The following SRRM3 variants were observed in gnomAD, a reference collection of about 807,000 sequenced individuals.
The protein encoded by SRRM3 is serine/arginine repetitive matrix protein 3.
In SRRM3, 27 loss-of-function variants were observed where a neutral mutation model predicts 66.2. That is an observed-to-expected ratio of 0.41 (90% CI 0.30 to 0.56). The LOEUF is 0.56. SRRM3 is among the 20% of genes least tolerant of loss of function. The pLI is 0.32. For synonymous variants in SRRM3, 391 were observed against 414.9 expected (o/e 0.94, Z 0.70); for missense variants, 918 against 991.9 (o/e 0.93, Z 1.00).
At chr7:76,262,836 GAAAGA>G (rs782214864) in intron 8 of SRRM3, among the ~76,000 whole-genome samples, 8 of 151,368 alleles carry the variant, frequency 5.3e-5, no homozygotes, top group Non-Finnish European at 1.0e-4. Context: ...AAGAAAGAAA[GAAAGA>G]AAAGAAAAGG....
chr7:76,235,926 A>G (rs773869795), intron 2 of SRRM3, among the ~76,000 whole-genome samples: 3 of 147,828 alleles, frequency 2.0e-5, no homozygotes, highest in Non-Finnish European at 4.4e-5. Flanking sequence ...GAATTTCTTG[A>G]ACCCAGGAGG....
chr7:76,279,175 C>T (rs782676410), intron 11 of SRRM3, among the ~76,000 whole-genome samples: 50 of 152,126 alleles, frequency 3.3e-4, no homozygotes, highest in Middle Eastern at 6.8e-3. Flanking sequence ...AGGAGAATTG[C>T]TTGAACTTGG....
intron 8 of SRRM3, among the ~76,000 whole-genome samples, chr7:76,263,470 G>A (rs1175041607): frequency 6.6e-6 from 1 of 152,212 alleles, no homozygotes; most frequent in Non-Finnish European, 1.5e-5. Context: ...TGCTGGGTTG[G>A]GGGGCTTGCC....
intron 9 of SRRM3, among the ~76,000 whole-genome samples, 151 bp downstream of exon 9, chr7:76,264,966 T>C (rs1434490523): frequency 1.3e-5 from 2 of 152,116 alleles, no homozygotes; most frequent in African/African-American, 4.8e-5. Context: ...CCAAGGGCTC[T>C]TGCTGAGTCA....
chr7:76,246,706 C>G (rs1801453183), intron 2 of SRRM3, among the ~76,000 whole-genome samples: 1 of 152,100 alleles, frequency 6.6e-6, no homozygotes, highest in South Asian at 2.1e-4. Flanking sequence ...AAGCTGGGGA[C>G]CCCGGGATGA....
At chr7:76,231,644 A>G (rs1801019256) in intron 1 of SRRM3, among the ~76,000 whole-genome samples, 1 of 152,248 alleles carries the variant, frequency 6.6e-6, no homozygotes, top group Admixed American at 6.5e-5. Flanking sequence ...AGCCAGAATG[A>G]AAGGACGGTT....
In SRRM3 at chr7:76,201,997, C is replaced by T; in HGVS notation, c.-110C>T. 1 of 152,650 alleles carries T rather than the reference C, an allele frequency of 6.6e-6. No individual in the cohort carries two copies. The highest frequency in any genetic ancestry group is 1.5e-5 in the Non-Finnish European group (1 of 68,300). The allele number at this position is 152,650 out of a possible 1,614,324, so 9.5% of individuals were successfully genotyped here. On this transcript the variant is annotated 5_prime_UTR_variant, in exon 1 of 15. Transcript: ENST00000611745. ...CCTGCCCAACTCAGCCCAGACTAGGCGGCAGCCCGGACCGGCGGGACCCGA... is the reference window on the plus strand; with the variant it reads ...CCTGCCCAACTCAGCCCAGACTAGGTGGCAGCCCGGACCGGCGGGACCCGA...
rs1233348167 is a variant in SRRM3, at chr7:76,259,906, T to G, written c.336T>G (p.Ile112Met). Residue 112 changes from isoleucine (I) to methionine (M), a missense_variant and splice_region_variant, in exon 4 of 15, where the codon ATT (isoleucine) becomes ATG (methionine). Transcript: ENST00000611745. Reference protein sequence around the residue: ...LTREDRPGGHIVAETPRLTEG... With the variant: ...LTREDRPGGHMVAETPRLTEG... Reference sequence around the variant, plus strand: ...TGGTGAGCGTCCCTGTCGCCGGCAGTGTGGCGGAGACCCCGCGGCTGACCG... The same window carrying G: ...TGGTGAGCGTCCCTGTCGCCGGCAGGGTGGCGGAGACCCCGCGGCTGACCG... 1.2e-6 allele frequency: 2 copies of G among 1,601,070 alleles called. No homozygotes were observed. The highest frequency in any genetic ancestry group is 1.7e-6 in the Non-Finnish European group (2 of 1,179,520).
At chr7:76,273,825 TC>T (rs2117092898) in intron 11 of SRRM3, among the ~76,000 whole-genome samples, 1 of 152,306 alleles carries the variant, frequency 6.6e-6, no homozygotes, top group African/African-American at 2.4e-5. Flanking sequence ...TTCTTGACTT[TC>T]CCCGACCAAC....
At chr7:76,279,691 AG>A (rs1285604580) in intron 11 of SRRM3, among the ~76,000 whole-genome samples, 3 of 152,052 alleles carry the variant, frequency 2.0e-5, no homozygotes, top group African/African-American at 7.2e-5. Flanking sequence ...AGACTGGGGA[AG>A]TGACGTGGCC....
intron 10 of SRRM3, among the ~76,000 whole-genome samples, chr7:76,266,332 A>C (rs1214191937): frequency 2.6e-5 from 3 of 116,336 alleles, no homozygotes; most frequent in Non-Finnish European, 4.8e-5. Flanking sequence ...ATAAATATTA[A>C]TATATATTTC....
At chr7:76,223,325 G>A (rs1003046098) in intron 1 of SRRM3, among the ~76,000 whole-genome samples, 12 of 152,176 alleles carry the variant, frequency 7.9e-5, no homozygotes, top group Non-Finnish European at 1.6e-4. Flanking sequence ...AATATAAAGT[G>A]TTCAAGGCTG....
intron 11 of SRRM3, among the ~76,000 whole-genome samples, chr7:76,275,413 C>T (rs1802319596): frequency 6.7e-6 from 1 of 149,066 alleles, no homozygotes; most frequent in Admixed American, 6.8e-5. Context: ...CGCTTGAGCC[C>T]AGGAATTTGA....
chr7:76,268,281 C>T (rs993785603), intron 11 of SRRM3: 7 of 152,122 alleles, frequency 4.6e-5, no homozygotes, highest in Admixed American at 2.0e-4. Context: ...TGGGGCTTCT[C>T]CCAGACCCCA....
At chr7:76,270,433 T>C (rs913129620) in intron 11 of SRRM3, among the ~76,000 whole-genome samples, 3 of 151,828 alleles carry the variant, frequency 2.0e-5, no homozygotes, top group African/African-American at 7.3e-5. Flanking sequence ...CCTAGCACTT[T>C]GGGAGGCTGA....
At chr7:76,265,680 C>T (rs887419514) in intron 10 of SRRM3, among the ~76,000 whole-genome samples, 5 of 148,764 alleles carry the variant, frequency 3.4e-5, no homozygotes, top group Non-Finnish European at 5.9e-5. Flanking sequence ...GCCAGGAGTT[C>T]GAGACCAGCC....
intron 1 of SRRM3, among the ~76,000 whole-genome samples, chr7:76,202,310 C>G (rs528351912): frequency 3.9e-5 from 6 of 152,264 alleles, no homozygotes; most frequent in South Asian, 4.1e-4. Context: ...CTCCCCTGGG[C>G]ATAAATGACC....
chr7:76,281,256 C>CTCTCTG (rs1802494216), intron 11 of SRRM3, among the ~76,000 whole-genome samples, 185 bp from the exon 12 acceptor site: 2 of 151,058 alleles, frequency 1.3e-5, no homozygotes, highest in East Asian at 3.9e-4. Flanking sequence ...CTTTTTCTGT[C>CTCTCTG]TCTCTGTCTC....
At chr7:76,256,109 T>C (rs1469493931) in intron 3 of SRRM3, among the ~76,000 whole-genome samples, 1 of 152,186 alleles carries the variant, frequency 6.6e-6, no homozygotes, top group African/African-American at 2.4e-5. Context: ...GGATTTGATC[T>C]AAACCCCAAG....
Sources: allele counts gnomAD v4.1 joint callset (sites outside exome capture counted in the v4.1 genomes callset), GRCh38; gene constraint gnomAD v4.1.1; transcripts MANE v1.5; gene names NCBI Gene and HGNC (gene_info 2026-07-23, HGNC 2026-07-21).